The following PLA2G5 variants were observed in gnomAD, a reference collection of about 807,000 sequenced individuals.
PLA2G5 encodes the protein Ca2+-dependent phospholipase A2.
Under a neutral mutation model 15.9 loss-of-function variants are expected in PLA2G5, and 12 were observed. That is an observed-to-expected ratio of 0.76 (90% confidence interval 0.48 to 1.23). The LOEUF (loss-of-function observed/expected upper bound fraction) is 1.23, where lower values mean the gene tolerates loss of function less well. PLA2G5 is among the 50% of genes most tolerant of loss of function. The pLI, the probability that PLA2G5 is intolerant of heterozygous loss-of-function variation, is 0.00. For synonymous variants in PLA2G5, 71 were observed against 71.4 expected, an observed-to-expected ratio of 0.99 and a Z score of 0.03; for missense variants, 169 against 177.1, an observed-to-expected ratio of 0.95 and a Z score of 0.26.
chr1:20,041,631 A>T (rs778115306), intron 1 of PLA2G5, among the ~76,000 whole-genome samples: 6 of 152,216 alleles, frequency 3.9e-5, no homozygotes, highest in Admixed American at 3.3e-4. Flanking sequence ...GATGGAAAGG[A>T]AATGAGAGGT....
upstream of PLA2G5, among the ~76,000 whole-genome samples, chr1:20,065,727 GC>G (rs1411491753): frequency 6.6e-6 from 1 of 152,152 alleles, no homozygotes; most frequent in East Asian, 1.9e-4. Flanking sequence ...GATGAATAAG[GC>G]TGCTGTAAAC....
intron 1 of PLA2G5, among the ~76,000 whole-genome samples, chr1:20,078,416 G>A (rs1003814796): frequency 4.6e-5 from 7 of 152,134 alleles, no homozygotes; most frequent in African/African-American, 1.7e-4. Flanking sequence ...CGGAGCAGGT[G>A]TGTGTTCGTA....
chr1:20,069,111 AGATTGG>A (rs2100519837), upstream of PLA2G5: 2 of 453,324 alleles, frequency 4.4e-6, no homozygotes, highest in South Asian at 3.2e-5. Context: ...TATACTCATC[AGATTGG>A]GAAGAATTGA....
chr1:20,049,178 T>C (rs2014061486), intron 1 of PLA2G5, among the ~76,000 whole-genome samples: 1 of 152,128 alleles, frequency 6.6e-6, no homozygotes, highest in Non-Finnish European at 1.5e-5. Flanking sequence ...TAGAATAAAA[T>C]GACTGGTTAT....
chr1:20,029,795 A>G (rs2100250838), intron 1 of PLA2G5, among the ~76,000 whole-genome samples: 1 of 152,322 alleles, frequency 6.6e-6, no homozygotes, highest in Middle Eastern at 3.4e-3. Context: ...AGGAACCTGA[A>G]TAGTTTGGTT....
intron 2 of PLA2G5, among the ~76,000 whole-genome samples, chr1:20,062,393 G>A (rs952178371): frequency 3.3e-5 from 5 of 152,110 alleles, no homozygotes; most frequent in Non-Finnish European, 5.9e-5. Context: ...AAACCAATGC[G>A]GAGTTCCCAG....
At position 20,090,750 on chromosome 1, in the gene PLA2G5, G is replaced by C; in HGVS notation, c.*58G>C. On this transcript the variant is annotated 3_prime_UTR_variant, in exon 5 of 5. Transcript: ENST00000375108. ...TTTTGTTCTGTTTTTCTACAACACA[G>C]AGTACTGACTCTGCCTGGTTCCTGA... is the stretch of plus-strand genomic sequence containing the variant. The C allele has an allele frequency of 6.3e-7, 1 of 1,579,878 alleles. No individual in the cohort carries two copies. The highest frequency in any genetic ancestry group is 8.7e-7 in the Non-Finnish European group (1 of 1,149,412).
chr1:20,087,881 A>C (rs1286936409), intron 3 of PLA2G5, among the ~76,000 whole-genome samples: 2 of 152,190 alleles, frequency 1.3e-5, no homozygotes, highest in Admixed American at 6.5e-5. Flanking sequence ...CCCAGTGGCC[A>C]ACCCTGGAAC....
At chr1:20,066,237 C>T (rs1196813008), upstream of PLA2G5, 2 of 152,180 alleles carry the variant, frequency 1.3e-5, no homozygotes, top group African/African-American at 2.4e-5. Context: ...AGTGTCTGTT[C>T]AGATCTTTTG....
In PLA2G5 at chr1:20,090,702, G is replaced by A. The variant is rs1233754843; in HGVS notation, c.*10G>A. On this transcript the variant is annotated 3_prime_UTR_variant, in exon 5 of 5. Coordinates refer to ENST00000375108, the MANE Select transcript of PLA2G5 (RefSeq NM_000929.3). ...CATCCTCTGCTCCTAGGCCTCCCCA[G>A]CGAGCTCCTCCCAGACCAAGACTTT... 4 of 1,613,938 alleles carry A rather than the reference G, an allele frequency of 2.5e-6. No homozygotes were observed. The highest frequency in any genetic ancestry group is 3.4e-6 in the Non-Finnish European group (4 of 1,179,836).
intron 1 of PLA2G5, among the ~76,000 whole-genome samples, chr1:20,030,534 C>T (rs2012863559): frequency 6.6e-6 from 1 of 151,908 alleles, no homozygotes; most frequent in Non-Finnish European, 1.5e-5. Flanking sequence ...CAGATGCCTT[C>T]CTCTTATCTC....
At chr1:20,043,497 G>A (rs1286482871) in intron 1 of PLA2G5, among the ~76,000 whole-genome samples, 2 of 152,228 alleles carry the variant, frequency 1.3e-5, no homozygotes, top group East Asian at 1.9e-4. Context: ...TTGGTTGCCA[G>A]GGAGGGAGTA....
At chr1:20,037,757 G>A (rs1244753945) in intron 1 of PLA2G5, among the ~76,000 whole-genome samples, 1 of 152,166 alleles carries the variant, frequency 6.6e-6, no homozygotes, top group African/African-American at 2.4e-5. Flanking sequence ...TTGCCCTAAG[G>A]TTGCCTAAGT....
intron 1 of PLA2G5, among the ~76,000 whole-genome samples, chr1:20,059,396 C>T (rs776259303): frequency 5.3e-5 from 8 of 151,696 alleles, no homozygotes; most frequent in Non-Finnish European, 1.2e-4. Flanking sequence ...TCACTCCAGC[C>T]TGGGTGACAG....
chr1:20,044,366 T>TCA lies in PLA2G5; in HGVS notation n.277-15266_277-15265insCA, dbSNP rs60018248. On this transcript the variant is annotated intron_variant and non_coding_transcript_variant, in intron 1 of 6. Coordinates refer to the PLA2G5 transcript ENST00000460175. ...TGAAGGCAAGGATGATTAATTCCTG[T>TCA]TGTGGGGGGGGTTTGAGGTCTGGAT... is the stretch of plus-strand genomic sequence containing the variant. Among the ~76,000 whole-genome samples, 784 of 116,516 alleles carry TCA rather than the reference T, an allele frequency of 6.7e-3. 4 individuals are homozygous for TCA. Among genetic ancestry groups the TCA allele is most frequent in the African/African-American group, 0.021 (745 of 36,292 alleles). The allele number at this position is 116,516 out of a possible 152,430, so 76.4% of individuals were successfully genotyped here.
intron 1 of PLA2G5, among the ~76,000 whole-genome samples, chr1:20,056,108 T>C (rs1282559135): frequency 6.6e-6 from 1 of 152,146 alleles, no homozygotes; most frequent in Non-Finnish European, 1.5e-5. Flanking sequence ...TTTTAAAAGA[T>C]TTTACTTTTT....
At chr1:20,043,860 C>T (rs953220438) in intron 1 of PLA2G5, among the ~76,000 whole-genome samples, 4 of 152,116 alleles carry the variant, frequency 2.6e-5, no homozygotes, top group South Asian at 2.1e-4. Context: ...AAGCAGGGGA[C>T]GGACTTACCC....
intron 1 of PLA2G5, among the ~76,000 whole-genome samples, chr1:20,037,271 C>A (rs931849746): frequency 6.6e-6 from 1 of 152,180 alleles, no homozygotes; most frequent in East Asian, 1.9e-4. Flanking sequence ...TGCTCTCCCC[C>A]TTCCTTTAGG....
chr1:20,045,689 G>A lies in PLA2G5; in HGVS notation n.277-13943G>A, dbSNP rs74961996. 0.021 allele frequency among the ~76,000 whole-genome samples: 3,184 copies of A among 152,258 alleles called. 257 individuals are homozygous for A. In the East Asian group the frequency reaches 0.25, roughly 12 times the overall value. ...TGGGCTGGTTGGTCTGAGGACCCAA[G>A]GTCATAGGTGGATCTTTCTCATGGA... is the stretch of plus-strand genomic sequence containing the variant. On this transcript the variant is annotated intron_variant and non_coding_transcript_variant, in intron 1 of 6. Transcript: ENST00000460175.
Sources: gnomAD v4.1 joint callset for allele counts (sites outside exome capture counted in the v4.1 genomes callset) on GRCh38, gnomAD v4.1.1 for gene constraint, MANE v1.5 for transcripts, NCBI Gene and HGNC (gene_info 2026-07-23, HGNC 2026-07-21) for gene names.